The following RAB31 variants were observed in gnomAD, a reference collection of about 807,000 sequenced individuals.
RAB31 encodes ras-related protein Rab-31.
In RAB31, 21 loss-of-function variants were observed where a neutral mutation model predicts 25.6. The observed-to-expected ratio is 0.82, with a 90% CI of 0.58 to 1.18. The LOEUF (loss-of-function observed/expected upper bound fraction) is 1.18, where lower values mean the gene tolerates loss of function less well. RAB31 is among the 50% of genes most tolerant of loss of function. RAB31 has a pLI of 0.00. For synonymous variants in RAB31, 87 were observed against 84.0 expected (o/e 1.04, Z -0.20); for missense variants, 196 against 250.1 (o/e 0.78, Z 1.46).
chr18:9,713,097 A>T (rs77314548), intron 1 of RAB31, among the ~76,000 whole-genome samples: 13,750 of 152,270 alleles, frequency 0.09, 670 homozygotes, highest in Non-Finnish European at 0.11. Context: ...AGTAAGGCAG[A>T]TCATCAGAAC....
intron 1 of RAB31, among the ~76,000 whole-genome samples, chr18:9,752,967 A>C (rs1219102069): frequency 1.3e-5 from 2 of 152,226 alleles, no homozygotes; most frequent in Non-Finnish European, 2.9e-5. Flanking sequence ...ACTTAAAGAG[A>C]TTTATATCCA....
rs56291796 is a variant in RAB31, at chr18:9,719,269, CAAAAAAAAAAAA to C, written c.39+10844_39+10855del. On this transcript the variant is annotated intron_variant, in intron 1 of 6. Coordinates refer to ENST00000578921, the MANE Select transcript of RAB31 (RefSeq NM_006868.4). ...CGGGTGACAGAGCAAGACTCTGTCT[CAAAAAAAAAAAA>C]AAAAAAAAAAAAAAAAAATATATAT... Among the ~76,000 whole-genome samples the C allele has an allele frequency of 3.3e-4, 7 of 21,444 alleles. 1 individual carries two copies. Among genetic ancestry groups the C allele is most frequent in the African/African-American group, 1.0e-3 (3 of 2,910 alleles). 14.1% of individuals were successfully genotyped at this position (21,444 alleles called of 152,430 possible). A position where few individuals can be genotyped will look rare whatever the true frequency, so the allele number is the denominator to read the frequency against.
At chr18:9,734,834 C>T (rs72964020) in intron 1 of RAB31, 16,278 of 209,328 alleles carry the variant, frequency 0.078, 715 homozygotes, top group Middle Eastern at 0.12. Flanking sequence ...CGGCTGCAAG[C>T]CACCAGCACA....
chr18:9,850,532 A>G (rs1201376775), intron 6 of RAB31, among the ~76,000 whole-genome samples: 2 of 152,206 alleles, frequency 1.3e-5, no homozygotes, highest in Non-Finnish European at 2.9e-5. Context: ...AAATGTCTGG[A>G]TTGGGGTGGA....
At chr18:9,732,911 A>G (rs1396721183) in intron 1 of RAB31, among the ~76,000 whole-genome samples, 1 of 152,100 alleles carries the variant, frequency 6.6e-6, no homozygotes, top group Non-Finnish European at 1.5e-5. Flanking sequence ...CATGACCTAT[A>G]TTGAATTCAC....
chr18:9,859,451 C>T lies in RAB31; in HGVS notation c.*126C>T, dbSNP rs890871928. The T allele has an allele frequency of 3.5e-5, 26 of 745,228 alleles. No individual in the cohort carries two copies. The highest frequency in any genetic ancestry group is 5.1e-5 in the Non-Finnish European group (24 of 469,322). The allele number at this position is 745,228 out of a possible 1,614,324, so 46.2% of individuals were successfully genotyped here. On this transcript the variant is annotated 3_prime_UTR_variant, in exon 7 of 7. Coordinates refer to ENST00000578921, the MANE Select transcript of RAB31 (RefSeq NM_006868.4). ...AGAGTGAGCACACTGGCTTTGCATC[C>T]TGGAAGACCTGCAGGGGGCGGGGCA...
intron 3 of RAB31, among the ~76,000 whole-genome samples, chr18:9,809,930 T>C (rs1386937008): frequency 6.6e-6 from 1 of 152,212 alleles, no homozygotes; most frequent in East Asian, 1.9e-4. Flanking sequence ...TTAATGTCCA[T>C]CTGCGAAAGC....
chr18:9,767,848 T>C (rs563229406), intron 1 of RAB31, among the ~76,000 whole-genome samples: 25 of 152,260 alleles, frequency 1.6e-4, no homozygotes, highest in Non-Finnish European at 2.9e-4. Flanking sequence ...TAGGTATTTC[T>C]CCTAATGCTA....
chr18:9,813,936 T>A lies in RAB31; in HGVS notation c.202-84T>A. 5 of 871,880 alleles carry A rather than the reference T, an allele frequency of 5.7e-6. No homozygotes were observed. In the South Asian group the frequency reaches 7.4e-5, roughly 13 times the overall value. 54.0% of individuals were successfully genotyped at this position (871,880 alleles called of 1,614,324 possible). On this transcript the variant is annotated intron_variant, in intron 3 of 6. Coordinates refer to ENST00000578921, the MANE Select transcript of RAB31 (RefSeq NM_006868.4). ...GAATTTAGGGATCCTGTAAGGATGATGTAGGATAAAACGTTTATGTTTAAT... is the reference window on the plus strand; with the variant it reads ...GAATTTAGGGATCCTGTAAGGATGAAGTAGGATAAAACGTTTATGTTTAAT...
intron 5 of RAB31, among the ~76,000 whole-genome samples, chr18:9,824,424 G>C (rs2068639932): frequency 6.6e-6 from 1 of 150,914 alleles, no homozygotes; most frequent in Non-Finnish European, 1.5e-5. Flanking sequence ...GTGTGTAGAT[G>C]TGTGTGTATG....
In RAB31 at chr18:9,708,644, C is replaced by T. The variant is rs2067999044; in HGVS notation, c.39+200C>T. ...TAGTCCGTGCGCCCCTCGCTCTCCG[C>T]GCCCCTCGCTCTCCGCACCCCGCCT... is the stretch of plus-strand genomic sequence containing the variant. On this transcript the variant is annotated intron_variant, in intron 1 of 6. Transcript: ENST00000578921. The surrounding 1 kb of genome is among the most constrained non-coding windows in gnomAD (Gnocchi z 6.4). Among the ~76,000 whole-genome samples, 1 of 150,890 alleles carries T rather than the reference C, an allele frequency of 6.6e-6. No individual in the cohort carries two copies. Among genetic ancestry groups the T allele is most frequent in the African/African-American group, 2.4e-5 (1 of 40,992 alleles).
At chr18:9,780,659 G>A (rs895710642) in intron 2 of RAB31, among the ~76,000 whole-genome samples, 4 of 152,132 alleles carry the variant, frequency 2.6e-5, no homozygotes, top group Non-Finnish European at 5.9e-5. Context: ...GGCTAGACAC[G>A]GTGGCTCACG....
At chr18:9,724,296 A>AAAAAC (rs1568162636) in intron 1 of RAB31, among the ~76,000 whole-genome samples, 1 of 147,902 alleles carries the variant, frequency 6.8e-6, no homozygotes. Context: ...AACAAAAAAA[A>AAAAAC]AACATTATTA....
intron 3 of RAB31, among the ~76,000 whole-genome samples, chr18:9,799,661 A>G (rs1039338809): frequency 1.3e-5 from 2 of 152,150 alleles, no homozygotes; most frequent in South Asian, 2.1e-4. Flanking sequence ...TGCCCAGCCT[A>G]TTCATTCTTG....
Position 9,810,659 on chromosome 18 carries a change from A to G in RAB31, c.202-3361A>G, listed in dbSNP as rs566619349. 2.0e-5 allele frequency among the ~76,000 whole-genome samples: 3 copies of G among 152,378 alleles called. No homozygotes were observed. In the South Asian group the frequency reaches 6.2e-4, roughly 32 times the overall value. On this transcript the variant is annotated intron_variant, in intron 3 of 6. Coordinates refer to ENST00000578921, the MANE Select transcript of RAB31 (RefSeq NM_006868.4). ...TATACCAAGATCGCTTCAATAATTC[A>G]TGAGACCTCCATGCCAGTGACCGTT... is the stretch of plus-strand genomic sequence containing the variant.
intron 5 of RAB31, among the ~76,000 whole-genome samples, chr18:9,834,716 G>A (rs2068695719): frequency 6.6e-6 from 1 of 152,142 alleles, no homozygotes; most frequent in Non-Finnish European, 1.5e-5. Context: ...AACCTTCTTT[G>A]GCGGTGGGGG....
chr18:9,801,809 C>A (rs896189189), intron 3 of RAB31, among the ~76,000 whole-genome samples: 1 of 152,216 alleles, frequency 6.6e-6, no homozygotes, highest in African/African-American at 2.4e-5. Context: ...GTTTTATAGT[C>A]TTAGCTCTCA....
chr18:9,792,115 CAATGCAGT>C, intron 2 of RAB31, 31 bp from the exon 3 acceptor site: 1 of 1,574,284 alleles, frequency 6.4e-7, no homozygotes, highest in Non-Finnish European at 8.6e-7. Context: ...TGTGAAGAAA[CAATGCAGT>C]AATGTGGAGA....
At chr18:9,854,719 T>C (rs1317342434) in intron 6 of RAB31, among the ~76,000 whole-genome samples, 1 of 152,202 alleles carries the variant, frequency 6.6e-6, no homozygotes, top group Non-Finnish European at 1.5e-5. Flanking sequence ...TCAAGTAGCA[T>C]GTGTGTGTCC....
Sources: allele counts gnomAD v4.1 joint callset (sites outside exome capture counted in the v4.1 genomes callset), GRCh38; gene constraint gnomAD v4.1.1; non-coding constraint Gnocchi (gnomAD v3.1); transcripts MANE v1.5; gene names NCBI Gene and HGNC (gene_info 2026-07-23, HGNC 2026-07-21).